TPO: variants seen among roughly 807,000 people sequenced by gnomAD.
TPO encodes the protein thyroid peroxidase, also known as thyroid microsomal antigen.
Under a neutral mutation model 96.9 loss-of-function variants are expected in TPO, and 78 were observed. That is an observed-to-expected ratio of 0.81 (90% CI 0.67 to 0.97). TPO has a LOEUF of 0.97. TPO is among the 50% of genes least tolerant of loss of function. The probability of loss-of-function intolerance (pLI) is 0.00; values close to 1 mark genes in which losing one functional copy is unlikely to be tolerated. For synonymous variants in TPO, 547 were observed against 538.0 expected, an observed-to-expected ratio of 1.02 and a Z score of -0.23; for missense variants, 1,252 against 1,274.8, an observed-to-expected ratio of 0.98 and a Z score of 0.27.
At chr2:1,527,154 ACT>A (rs1676759817) in intron 15 of TPO, among the ~76,000 whole-genome samples, 1 of 43,892 alleles carries the variant, frequency 2.3e-5, no homozygotes, top group Admixed American at 2.9e-4. Flanking sequence ...AAATCCCCCC[ACT>A]CTGTGCAACC....
At chr2:1,488,143 G>C in intron 10 of TPO, 152 bp downstream of exon 10, 6 of 1,129,624 alleles carry the variant, frequency 5.3e-6, no homozygotes, top group Non-Finnish European at 7.6e-6. Context: ...AGTTCATTCA[G>C]CTAAAGTGGC....
At chr2:1,531,140 C>A (rs1382710392) in intron 15 of TPO, among the ~76,000 whole-genome samples, 2 of 108,736 alleles carry the variant, frequency 1.8e-5, no homozygotes, top group African/African-American at 7.1e-5. Context: ...CCAAAACCCC[C>A]CACTGTGTGC....
chr2:1,398,586 C>T (rs760588509), intron 1 of TPO, among the ~76,000 whole-genome samples: 2 of 152,258 alleles, frequency 1.3e-5, no homozygotes, highest in Non-Finnish European at 2.9e-5. Flanking sequence ...TGCCTCCCCA[C>T]AGCTCAGCAT....
At chr2:1,480,752 C>T (rs116193451) in intron 8 of TPO, among the ~76,000 whole-genome samples, 64 of 148,876 alleles carry the variant, frequency 4.3e-4, no homozygotes, top group Middle Eastern at 3.5e-3. Context: ...CTGCTGCATC[C>T]GTCCACACCA....
chr2:1,467,137 CT>C (rs1668972769), intron 7 of TPO, among the ~76,000 whole-genome samples: 1 of 151,232 alleles, frequency 6.6e-6, no homozygotes. Context: ...GAGTTTCGCT[CT>C]TGTTGCCCAG....
chr2:1,531,931 ACCT>A (rs113202068), intron 15 of TPO, among the ~76,000 whole-genome samples: 963 of 58,426 alleles, frequency 0.016, 4 homozygotes, highest in Non-Finnish European at 0.019. Flanking sequence ...ACTGTGTGCA[ACCT>A]CCTCAAATCC....
At chr2:1,516,791 C>A in intron 14 of TPO, 92 bp from the exon 15 acceptor site, 1 of 1,213,108 alleles carries the variant, frequency 8.2e-7, no homozygotes. Flanking sequence ...GCCACTGGCC[C>A]AGGACAGGGT....
At chr2:1,533,428 T>A (rs1678818621) in intron 15 of TPO, among the ~76,000 whole-genome samples, 1 of 101,418 alleles carries the variant, frequency 9.9e-6, no homozygotes, top group African/African-American at 3.9e-5. Flanking sequence ...CCCAAATGTG[T>A]GCAACCTCCC....
rs732609 is a variant in TPO at position 1,496,155 on chromosome 2, A to C, written c.2173A>C (p.Thr725Pro). The change falls in exon 12 of 17, where the codon ACT becomes CCT. Residue 725 changes from threonine (T) to proline (P), a missense_variant. Transcript: ENST00000329066. The part of the protein sequence containing the change: ...PEDFESCDSI[T>P]GMNLEAWRET... ...AGACTTTGAGTCTTGTGACAGCATC[A>C]CTGGCATGAACCTGGAGGCCTGGAG... 0.42 allele frequency: 674,955 copies of C among 1,612,876 alleles called. 144,001 individuals carry two copies. Among genetic ancestry groups the C allele is most frequent in the African/African-American group, 0.62 (46,109 of 74,964 alleles).
intron 8 of TPO, among the ~76,000 whole-genome samples, chr2:1,483,249 GA>G (rs1456740451): frequency 6.6e-6 from 1 of 152,198 alleles, no homozygotes; most frequent in East Asian, 1.9e-4. Flanking sequence ...TGGAGCTGCT[GA>G]ACCTGAGGCT....
At chr2:1,486,826 A>C (rs1429910780) in intron 9 of TPO, among the ~76,000 whole-genome samples, 4 of 152,182 alleles carry the variant, frequency 2.6e-5, no homozygotes, top group Non-Finnish European at 4.4e-5. Context: ...GGGGTGCTGC[A>C]GTGCGTCCGG....
intron 15 of TPO, among the ~76,000 whole-genome samples, chr2:1,530,324 G>C (rs1677799046): frequency 7.4e-6 from 1 of 134,862 alleles, no homozygotes; most frequent in South Asian, 2.5e-4. Flanking sequence ...CCCACACTGT[G>C]AGAAACCTCC....
chr2:1,390,040 T>C (rs1341792868), intron 1 of TPO, among the ~76,000 whole-genome samples: 1 of 151,790 alleles, frequency 6.6e-6, no homozygotes, highest in East Asian at 1.9e-4. Context: ...TTTTTAATAC[T>C]TTAAGTTCTA....
intron 14 of TPO, among the ~76,000 whole-genome samples, chr2:1,509,725 G>GCCCACCCTCTTCTTTCAGGGATAC (rs375563935): frequency 1.5e-5 from 2 of 137,694 alleles, no homozygotes; most frequent in Non-Finnish European, 1.5e-5. Context: ...GTCAGGCACA[G>GCCCACCCTCTTCTTTCAGGGATAC]CCCACCCTCT....
chr2:1,453,388 G>T lies in TPO; in HGVS notation c.483-306G>T, dbSNP rs572807365. 7.9e-5 allele frequency among the ~76,000 whole-genome samples: 12 copies of T among 152,334 alleles called. No homozygotes were observed. The East Asian group carries it at 1.9e-3, about 25-fold the overall frequency. On this transcript the variant is annotated intron_variant, in intron 5 of 16. Transcript: ENST00000329066. ...ACTGCCCCTGGTACATTCTAGAAGG[G>T]TGGGAGACCCTCCTTCGGAAAACAG...
rs1259472317 is a variant in TPO, at chr2:1,531,956, G to A, written c.2619-8638G>A. On this transcript the variant is annotated intron_variant, in intron 15 of 16. Coordinates refer to ENST00000329066, the MANE Select transcript of TPO (RefSeq NM_001206744.2). Reference sequence around the variant, plus strand: ...ACCTCCTCAAATCCCCCCACTGCGAGCAACCTCCTCAAATCTCCCCACTGT... The same window carrying A: ...ACCTCCTCAAATCCCCCCACTGCGAACAACCTCCTCAAATCTCCCCACTGT... Among the ~76,000 whole-genome samples, 16 of 81,502 alleles carry A rather than the reference G, an allele frequency of 2.0e-4. 2 individuals are homozygous for A. Among genetic ancestry groups the A allele is most frequent in the Middle Eastern group, 0.019 (2 of 104 alleles). The allele number at this position is 81,502 out of a possible 152,430, so 53.5% of individuals were successfully genotyped here. A position where few individuals can be genotyped will look rare whatever the true frequency, so the allele number is the denominator to read the frequency against.
chr2:1,475,381 T>C (rs185076897), intron 7 of TPO, among the ~76,000 whole-genome samples: 11 of 151,850 alleles, frequency 7.2e-5, no homozygotes, highest in Non-Finnish European at 1.2e-4. Context: ...ACTCTAAGCC[T>C]CGCAGGCCTC....
intron 13 of TPO, chr2:1,503,705 T>C: frequency 1.4e-6 from 1 of 715,062 alleles, no homozygotes; most frequent in Non-Finnish European, 2.5e-6. Flanking sequence ...CGGGCCTGAG[T>C]GAGCCCCAGT....
At chr2:1,403,264 G>T (rs1662198310) in intron 1 of TPO, among the ~76,000 whole-genome samples, 1 of 152,192 alleles carries the variant, frequency 6.6e-6, no homozygotes, top group African/African-American at 2.4e-5. Flanking sequence ...GTGAGAGCCA[G>T]CGGGGGCTCT....
Sources: gnomAD v4.1 joint callset for allele counts (sites outside exome capture counted in the v4.1 genomes callset) on GRCh38, gnomAD v4.1.1 for gene constraint, MANE v1.5 for transcripts, NCBI Gene and HGNC (gene_info 2026-07-23, HGNC 2026-07-21) for gene names.